GBE1: variants seen among roughly 807,000 people sequenced by gnomAD.
GBE1 encodes the protein 1,4-alpha-glucan branching enzyme 1.
Under a neutral mutation model 88.8 loss-of-function variants are expected in GBE1, and 70 were observed. The ratio of observed to expected loss-of-function variants is 0.79; its 90% CI spans 0.65 to 0.96. GBE1 has a LOEUF of 0.96. Ranked by LOEUF, GBE1 falls within the 40% of genes least tolerant of loss-of-function variation. The probability of loss-of-function intolerance (pLI) is 0.00; values close to 1 mark genes in which losing one functional copy is unlikely to be tolerated. For synonymous variants in GBE1, 284 were observed against 300.1 expected (o/e 0.95, Z 0.56); for missense variants, 872 against 871.0 (o/e 1.00, Z -0.01).
rs376374984 is a variant in GBE1 at position 81,670,838 on chromosome 3, C to A, written c.429G>T (p.Lys143Asn). ...SVLVPHGSKLKVVITSKSGEI... is the reference protein window; with the variant it reads ...SVLVPHGSKLNVVITSKSGEI... Reference sequence around the variant, plus strand: ...GAAAAAATAGGAGGGAGGAAAGTACCTTTAATTTGGATCCATGAGGCACGA... The same window carrying A: ...GAAAAAATAGGAGGGAGGAAAGTACATTTAATTTGGATCCATGAGGCACGA... The change falls in exon 3 of 16, where the codon AAG (lysine) becomes AAT (asparagine). Residue 143 changes from lysine (K) to asparagine (N), a missense_variant and splice_region_variant. Transcript: ENST00000429644. 4.0e-6 allele frequency: 6 copies of A among 1,497,728 alleles called. No homozygotes were observed. The highest frequency in any genetic ancestry group is 5.4e-6 in the Non-Finnish European group (6 of 1,115,044). 92.8% of individuals were successfully genotyped at this position (1,497,728 alleles called of 1,614,324 possible).
chr3:81,491,993 G>T (rs913289696), intron 15 of GBE1, among the ~76,000 whole-genome samples: 1 of 152,180 alleles, frequency 6.6e-6, no homozygotes, highest in Admixed American at 6.5e-5. Flanking sequence ...TTATATTCTG[G>T]ATTTAATGGC....
intron 3 of GBE1, among the ~76,000 whole-genome samples, chr3:81,657,326 A>G (rs1704956111): frequency 6.6e-6 from 1 of 152,060 alleles, no homozygotes; most frequent in South Asian, 2.1e-4. Context: ...AATACCTGAC[A>G]TATTTGCTTC....
chr3:81,602,962 T>G (rs1365158102), intron 7 of GBE1, among the ~76,000 whole-genome samples: 1 of 152,146 alleles, frequency 6.6e-6, no homozygotes, highest in Admixed American at 6.5e-5. Context: ...GCCCCAATTC[T>G]TGTCGTCTTC....
At chr3:81,629,024 T>TG (rs1215908330) in intron 7 of GBE1, among the ~76,000 whole-genome samples, 4 of 143,552 alleles carry the variant, frequency 2.8e-5, no homozygotes, top group Non-Finnish European at 6.1e-5. Flanking sequence ...TTAAGTTTTT[T>TG]TTTTTTTTTT....
At chr3:81,649,032 T>C (rs2107072602) in intron 4 of GBE1, 41 bp from the exon 5 acceptor site, 3 of 1,390,242 alleles carry the variant, frequency 2.2e-6, no homozygotes, top group Non-Finnish European at 2.0e-6. Flanking sequence ...AGCCAGGAAT[T>C]CTGGTATGAC....
intron 12 of GBE1, among the ~76,000 whole-genome samples, chr3:81,573,645 T>C (rs1703604391): frequency 6.6e-6 from 1 of 152,204 alleles, no homozygotes; most frequent in Non-Finnish European, 1.5e-5. Context: ...AAAGAAATCT[T>C]ACAACATTTT....
At chr3:81,750,509 T>C (rs1422167910) in intron 1 of GBE1, among the ~76,000 whole-genome samples, 3 of 136,086 alleles carry the variant, frequency 2.2e-5, no homozygotes, top group Non-Finnish European at 4.6e-5. Context: ...GAAACCAATT[T>C]CATCTCAAAA....
intron 12 of GBE1, among the ~76,000 whole-genome samples, chr3:81,548,980 G>T (rs867797568): frequency 6.8e-6 from 1 of 146,090 alleles, no homozygotes; most frequent in African/African-American, 2.5e-5. Flanking sequence ...AAACATATTT[G>T]TTTCTCTCTA....
intron 14 of GBE1, among the ~76,000 whole-genome samples, chr3:81,504,874 C>T (rs537895240): frequency 6.6e-6 from 1 of 152,282 alleles, no homozygotes; most frequent in East Asian, 1.9e-4. Flanking sequence ...TATCATTCTG[C>T]ACTAAACTCA....
chr3:81,536,684 T>C (rs1050074599), intron 13 of GBE1, among the ~76,000 whole-genome samples: 1 of 151,970 alleles, frequency 6.6e-6, no homozygotes, highest in East Asian at 1.9e-4. Flanking sequence ...ATTTAAACAG[T>C]AACAAACAAA....
At chr3:81,713,139 C>T (rs1037065639) in intron 1 of GBE1, among the ~76,000 whole-genome samples, 1 of 152,154 alleles carries the variant, frequency 6.6e-6, no homozygotes. Flanking sequence ...CATGACAGGA[C>T]AGGCCTGAGA....
At chr3:81,606,462 G>A (rs1213885395) in intron 7 of GBE1, among the ~76,000 whole-genome samples, 1 of 152,226 alleles carries the variant, frequency 6.6e-6, no homozygotes, top group African/African-American at 2.4e-5. Context: ...GGAAGACCCT[G>A]CGCTATTTAA....
intron 14 of GBE1, among the ~76,000 whole-genome samples, chr3:81,518,013 T>C (rs1302796540): frequency 1.3e-5 from 2 of 151,374 alleles, no homozygotes; most frequent in Admixed American, 1.3e-4. Context: ...TTATCATCCA[T>C]CTCGAAGTTT....
chr3:81,514,876 A>G (rs1459533707), intron 14 of GBE1, among the ~76,000 whole-genome samples: 1 of 151,572 alleles, frequency 6.6e-6, no homozygotes, highest in Non-Finnish European at 1.5e-5. Flanking sequence ...GAAAAAGGTA[A>G]TTTCTACTGG....
At chr3:81,540,496 T>C (rs765585344) in intron 12 of GBE1, among the ~76,000 whole-genome samples, 2 of 152,030 alleles carry the variant, frequency 1.3e-5, no homozygotes, top group Non-Finnish European at 2.9e-5. Flanking sequence ...GGTTTCCTCA[T>C]CTGTAAAATC....
Position 81,547,984 on chromosome 3 carries a change from A to G in GBE1, c.1619-10889T>C, listed in dbSNP as rs1047856653. ...TCTTGTTCTATATCCTTGGGAGATGACCTTTTAACCACATGGCAGTACTTT... is the reference window on the plus strand; with the variant it reads ...TCTTGTTCTATATCCTTGGGAGATGGCCTTTTAACCACATGGCAGTACTTT... On this transcript the variant is annotated intron_variant, in intron 12 of 15. Transcript: ENST00000429644. Among the ~76,000 whole-genome samples, 4 of 151,282 alleles carry G rather than the reference A, an allele frequency of 2.6e-5. No individual in the cohort carries two copies. The South Asian group carries it at 8.3e-4, about 31-fold the overall frequency.
At chr3:81,703,776 TAAAC>T (rs1398799531) in intron 2 of GBE1, among the ~76,000 whole-genome samples, 1 of 151,984 alleles carries the variant, frequency 6.6e-6, no homozygotes, top group Non-Finnish European at 1.5e-5. Context: ...ACTGAACACT[TAAAC>T]AGTCTATTTT....
At chr3:81,653,762 C>T (rs1704886937) in intron 3 of GBE1, among the ~76,000 whole-genome samples, 1 of 152,130 alleles carries the variant, frequency 6.6e-6, no homozygotes, top group Admixed American at 6.6e-5. Context: ...TGCACAAAAA[C>T]TCACAGCCTA....
intron 1 of GBE1, among the ~76,000 whole-genome samples, chr3:81,760,834 A>G (rs762155439): frequency 1.3e-5 from 2 of 152,258 alleles, no homozygotes; most frequent in Non-Finnish European, 2.9e-5. Flanking sequence ...ATGTAGGTGT[A>G]ATCTTCCCCT....
Sources: allele counts gnomAD v4.1 joint callset (sites outside exome capture counted in the v4.1 genomes callset), GRCh38; gene constraint gnomAD v4.1.1; transcripts MANE v1.5; gene names NCBI Gene and HGNC (gene_info 2026-07-23, HGNC 2026-07-21).